The following DLG3 variants were observed in gnomAD, a reference collection of about 807,000 sequenced individuals.
DLG3 encodes the protein discs large MAGUK scaffold protein 3.
Under a neutral mutation model 64.1 loss-of-function variants are expected in DLG3, and 1 was observed. The observed-to-expected ratio is 0.02, with a 90% CI of 0.01 to 0.07. The LOEUF (loss-of-function observed/expected upper bound fraction) is 0.07, where lower values mean the gene tolerates loss of function less well. Ranked by LOEUF, DLG3 falls within the 10% of genes least tolerant of loss-of-function variation. DLG3 has a pLI of 1.00. For synonymous variants in DLG3, 245 were observed against 259.8 expected (o/e 0.94, Z 0.55); for missense variants, 429 against 669.5 (o/e 0.64, Z 3.96).
chrX:70,490,471 C>T (rs2087339169), intron 10 of DLG3, among the ~76,000 whole-genome samples: 1 of 111,973 alleles, frequency 8.9e-6, no homozygotes, highest in Admixed American at 9.5e-5. Context: ...GCTGCCTCTG[C>T]CATTCTCCTT....
chrX:70,460,562 A>T (rs192654297), intron 9 of DLG3, among the ~76,000 whole-genome samples: 424 of 112,663 alleles, frequency 3.8e-3, no homozygotes, highest in Non-Finnish European at 5.5e-3. Context: ...TTCATTTTTT[A>T]ATTCTTCAAG....
At chrX:70,499,776 G>T in intron 15 of DLG3, 101 bp from the exon 16 acceptor site, 1 of 862,715 alleles carries the variant, frequency 1.2e-6, no homozygotes, top group South Asian at 2.2e-5. Flanking sequence ...AAAATGGAGT[G>T]GCCCAGTGAC....
rs757417647 is a variant in DLG3, at chrX:70,445,193, G to A, written c.-9G>A. 5.2e-6 allele frequency: 6 copies of A among 1,143,738 alleles called. No individual in the cohort carries two copies. The highest frequency in any genetic ancestry group is 3.0e-4 in the Middle Eastern group (1 of 3,312). The allele number at this position is 1,143,738 out of a possible 1,213,427, so 94.3% of individuals were successfully genotyped here. On this transcript the variant is annotated 5_prime_UTR_variant, in exon 1 of 19. Coordinates refer to ENST00000374360, the MANE Select transcript of DLG3 (RefSeq NM_021120.4). Reference sequence around the variant, plus strand: ...GGGCTGGGGGGTCCGAGCCGCGGGGGGCAGTGCCATGCACAAGCACCAGCA... The same window carrying A: ...GGGCTGGGGGGTCCGAGCCGCGGGGAGCAGTGCCATGCACAAGCACCAGCA...
chrX:70,460,238 G>C (rs1175764875), intron 9 of DLG3, among the ~76,000 whole-genome samples: 1 of 102,667 alleles, frequency 9.7e-6, no homozygotes, highest in Admixed American at 1.1e-4. Context: ...AGCTGAGATC[G>C]TGCCACTACA....
chrX:70,485,450 T>G (rs2087237405), intron 10 of DLG3, among the ~76,000 whole-genome samples: 2 of 112,067 alleles, frequency 1.8e-5, no homozygotes, highest in African/African-American at 6.5e-5. Flanking sequence ...TGGGAGAGAC[T>G]TAGGCTGGGC....
rs775293715 is a variant in DLG3, at chrX:70,446,012, C to T, written c.357+454C>T. Among the ~76,000 whole-genome samples, 9 of 109,892 alleles carry T rather than the reference C, an allele frequency of 8.2e-5. No individual in the cohort carries two copies. In the South Asian group the frequency reaches 3.6e-3, roughly 44 times the overall value. On this transcript the variant is annotated intron_variant, in intron 1 of 18. Coordinates refer to ENST00000374360, the MANE Select transcript of DLG3 (RefSeq NM_021120.4). ...TGTGTGGAGGAAGGCAATGGAGCTGCCGTGAATCCGTGTGGAGGAGCCCAT... is the reference window on the plus strand; with the variant it reads ...TGTGTGGAGGAAGGCAATGGAGCTGTCGTGAATCCGTGTGGAGGAGCCCAT...
At chrX:70,495,381 C>T in intron 12 of DLG3, 27 bp from the exon 13 acceptor site, 1 of 1,207,616 alleles carries the variant, frequency 8.3e-7, no homozygotes, top group East Asian at 3.0e-5. Flanking sequence ...GTCGTCCTCT[C>T]TCCGCCCTTG....
At chrX:70,468,698 A>G (rs1391612309) in intron 9 of DLG3, among the ~76,000 whole-genome samples, 1 of 111,489 alleles carries the variant, frequency 9.0e-6, no homozygotes, top group Non-Finnish European at 1.9e-5. Context: ...ATTGAAGCCT[A>G]TTTGCCATAT....
chrX:70,483,254 G>A (rs1056042465), intron 10 of DLG3, among the ~76,000 whole-genome samples: 30 of 112,294 alleles, frequency 2.7e-4, no homozygotes, highest in Admixed American at 9.4e-4. Context: ...ACTGTATTCC[G>A]TCCTGGGTAA....
chrX:70,498,625 A>C, intron 14 of DLG3, 55 bp downstream of exon 14: 30 of 1,095,077 alleles, frequency 2.7e-5, no homozygotes, highest in Non-Finnish European at 3.5e-5. Context: ...CGTGGGGCTC[A>C]ATACAGTGGG....
At chrX:70,452,707 A>G (rs1199268198) in intron 7 of DLG3, 9 of 1,202,552 alleles carry the variant, frequency 7.5e-6, no homozygotes, top group Admixed American at 2.2e-5. Flanking sequence ...AGGGCTTCGC[A>G]GAGGTGGGCC....
At chrX:70,493,355 C>T in intron 12 of DLG3, 1 of 1,174,649 alleles carries the variant, frequency 8.5e-7, no homozygotes, top group Non-Finnish European at 1.2e-6. Flanking sequence ...CCTTCCCCTC[C>T]ATCTTCATGT....
chrX:70,489,655 A>T (rs892674177), intron 10 of DLG3, among the ~76,000 whole-genome samples: 1 of 111,740 alleles, frequency 8.9e-6, no homozygotes, highest in Non-Finnish European at 1.9e-5. Context: ...TTAAAAAATT[A>T]CAAACAGTTG....
rs757338144 is a variant in DLG3 at position 70,479,098 on chromosome X, G to A, written c.1406-52G>A. On this transcript the variant is annotated intron_variant, in intron 9 of 18. Coordinates refer to ENST00000374360, the MANE Select transcript of DLG3 (RefSeq NM_021120.4). ...TTGGCTGCTGGCATGCAAGCTCAGA[G>A]GCGCTCCTTGAGTTCATTCTTTTCC... 544 of 1,104,219 alleles carry A rather than the reference G, an allele frequency of 4.9e-4. 8 individuals carry two copies. In the Admixed American group the frequency reaches 0.012, roughly 24 times the overall value. 91.0% of individuals were successfully genotyped at this position (1,104,219 alleles called of 1,213,427 possible). A position where few individuals can be genotyped will look rare whatever the true frequency, so the allele number is the denominator to read the frequency against.
chrX:70,486,545 TGCATGTGC>T (rs924174160), intron 10 of DLG3, among the ~76,000 whole-genome samples: 3 of 112,224 alleles, frequency 2.7e-5, no homozygotes, highest in Non-Finnish European at 5.6e-5. Flanking sequence ...CAGATATGCA[TGCATGTGC>T]GCATGTGCAC....
Position 70,445,575 on chromosome X carries a change from G to A in DLG3, c.357+17G>A. 6 of 1,170,351 alleles carry A rather than the reference G, an allele frequency of 5.1e-6. No homozygotes were observed. The highest frequency in any genetic ancestry group is 3.8e-5 in the South Asian group (2 of 53,135). ...TATGAGCAGGTATGGACCAGCGGAG[G>A]GGGGAGCGGTGGGGCAACCCAGGAG... On this transcript the variant is annotated intron_variant, in intron 1 of 18. Transcript: ENST00000374360.
intron 10 of DLG3, among the ~76,000 whole-genome samples, chrX:70,488,295 C>T (rs1395629586): frequency 8.9e-6 from 1 of 111,885 alleles, no homozygotes; most frequent in African/African-American, 3.3e-5. Context: ...CAGATGTGAG[C>T]CACTGCACCC....
intron 13 of DLG3, 109 bp from the exon 14 acceptor site, chrX:70,498,411 G>A: frequency 1.3e-6 from 1 of 749,590 alleles, no homozygotes; most frequent in Non-Finnish European, 2.0e-6. Flanking sequence ...ACAGGTGGTG[G>A]CAAGGACCAC....
chrX:70,489,435 TG>T (rs1179056180), intron 10 of DLG3, among the ~76,000 whole-genome samples: 1 of 111,454 alleles, frequency 9.0e-6, no homozygotes, highest in East Asian at 2.8e-4. Context: ...CCCAAGTGGC[TG>T]GGATTACAGG....
Sources: gnomAD v4.1 joint callset for allele counts (sites outside exome capture counted in the v4.1 genomes callset) on GRCh38, gnomAD v4.1.1 for gene constraint, MANE v1.5 for transcripts, NCBI Gene and HGNC (gene_info 2026-07-23, HGNC 2026-07-21) for gene names.